Variants in ANKRD39 observed in about 807,000 individuals in gnomAD.
The protein encoded by ANKRD39 is ankyrin repeat domain 39.
ANKRD39 carries 18 observed loss-of-function variants against 20.3 expected under a neutral mutation model. The ratio of observed to expected loss-of-function variants is 0.89; its 90% CI spans 0.61 to 1.32. ANKRD39 has a LOEUF of 1.32. ANKRD39 is among the 40% of genes most tolerant of loss of function. The pLI is 0.00. For synonymous variants in ANKRD39, 106 were observed against 111.9 expected (o/e 0.95, Z 0.33); for missense variants, 243 against 250.7 (o/e 0.97, Z 0.21).
At chr2:96,856,468 C>CA (rs56306893) in intron 1 of ANKRD39, among the ~76,000 whole-genome samples, 4,731 of 70,056 alleles carry the variant, frequency 0.068, 158 homozygotes, top group Non-Finnish European at 0.086. Flanking sequence ...GACTCCATCT[C>CA]AAAAAAAAAA....
chr2:96,856,068 C>T (rs2153360079), intron 1 of ANKRD39, among the ~76,000 whole-genome samples: 1 of 152,336 alleles, frequency 6.6e-6, no homozygotes, highest in South Asian at 2.1e-4. Flanking sequence ...TTATTTGTGA[C>T]AACAGTAGCT....
At chr2:96,855,450 C>T (rs748313855) in intron 1 of ANKRD39, among the ~76,000 whole-genome samples, 4 of 152,172 alleles carry the variant, frequency 2.6e-5, no homozygotes, top group African/African-American at 7.2e-5. Flanking sequence ...ATTGGCCAGG[C>T]GCAGTGGCTC....
chr2:96,850,651 C>T (rs918279564), intron 3 of ANKRD39, among the ~76,000 whole-genome samples: 6 of 150,480 alleles, frequency 4.0e-5, no homozygotes, highest in African/African-American at 9.8e-5. Context: ...GGCAACAGAG[C>T]GAGACTCTAT....
intron 1 of ANKRD39, among the ~76,000 whole-genome samples, chr2:96,855,740 T>TA (rs2079859944): frequency 7.0e-6 from 1 of 142,406 alleles, no homozygotes; most frequent in Admixed American, 7.2e-5. Flanking sequence ...AAAAAAAAGA[T>TA]ATATTACTGT....
At chr2:96,856,950 G>A (rs1364269968) in intron 1 of ANKRD39, among the ~76,000 whole-genome samples, 1 of 152,144 alleles carries the variant, frequency 6.6e-6, no homozygotes, top group African/African-American at 2.4e-5. Flanking sequence ...AAAAGCATGA[G>A]AAATAAAATG....
At chr2:96,855,993 A>AAAC (rs932286356) in intron 1 of ANKRD39, among the ~76,000 whole-genome samples, 69 of 147,516 alleles carry the variant, frequency 4.7e-4, no homozygotes, top group East Asian at 2.1e-3. Flanking sequence ...AACAACAACA[A>AAAC]AACAACAACA....
intron 1 of ANKRD39, 128 bp downstream of exon 1, chr2:96,857,760 C>T (rs1041315088): frequency 7.8e-5 from 79 of 1,009,108 alleles, no homozygotes; most frequent in Middle Eastern, 2.5e-4. Context: ...CGCCCGCCTT[C>T]CCGCACCAGG....
chr2:96,857,972 G>GAT lies in ANKRD39; in HGVS notation c.15_16insAT (p.Pro6IlefsTer36). 6.5e-7 allele frequency: 1 copy of GAT among 1,545,032 alleles called. No individual in the cohort carries two copies. The highest frequency in any genetic ancestry group is 2.4e-5 in the East Asian group (1 of 40,988). ...GAGCAGCAGGGCCCGTCCGCGCAGG[G>GAT]CCGAGGCGTCGCCATCCCGGCCCCG... On this transcript the variant is annotated frameshift_variant, in exon 1 of 4. Coordinates refer to ENST00000393537, the MANE Select transcript of ANKRD39 (RefSeq NM_016466.6). LOFTEE classifies it high-confidence loss of function.
At chr2:96,849,542 C>T (rs1202689547) in intron 3 of ANKRD39, among the ~76,000 whole-genome samples, 3 of 151,996 alleles carry the variant, frequency 2.0e-5, no homozygotes, top group East Asian at 1.9e-4. Context: ...CCCCGCTACT[C>T]GGGAGGCTGA....
chr2:96,848,394 G>A lies in ANKRD39; in HGVS notation c.459C>T (p.Ser153=), dbSNP rs764278885. 8 of 1,614,106 alleles carry A rather than the reference G, an allele frequency of 5.0e-6. No individual in the cohort carries two copies. In the Admixed American group the frequency reaches 1.3e-4, roughly 27 times the overall value. ...GDICSLLLQH[S]PALKAIRDRK... is the part of the protein sequence containing the mutation. ...GGTCCCGGATGGCCTTCAGGGCTGG[G>A]CTGTGTTGCAGGAGGAGGGAGCAGA... The change falls in exon 4 of 4, where the codon AGC becomes AGT. Residue 153 remains serine (S), a synonymous_variant. Coordinates refer to ENST00000393537, the MANE Select transcript of ANKRD39 (RefSeq NM_016466.6).
At chr2:96,852,825 A>G (rs2079844921) in intron 3 of ANKRD39, among the ~76,000 whole-genome samples, 1 of 152,126 alleles carries the variant, frequency 6.6e-6, no homozygotes, top group South Asian at 2.1e-4. Flanking sequence ...CTCAGCACTT[A>G]GGGAGGCAGA....
At position 96,854,406 on chromosome 2, in the gene ANKRD39, G is replaced by C. The variant is rs933774377; in HGVS notation, c.136C>G (p.Arg46Gly). 3.7e-6 allele frequency: 6 copies of C among 1,614,152 alleles called. No homozygotes were observed. In the Admixed American group the frequency reaches 5.0e-5, roughly 13 times the overall value. ...WSAALNGDLG[R>G]VKHLIQKAED... is the part of the protein sequence containing the mutation. ...GCCTTCTGGATTAAATGCTTCACTCGGCCCAGGTCTCCATTCAGGGCTGCC... is the reference window on the plus strand; with the variant it reads ...GCCTTCTGGATTAAATGCTTCACTCCGCCCAGGTCTCCATTCAGGGCTGCC... The change falls in exon 2 of 4, where the codon CGA (arginine) becomes GGA (glycine). Residue 46 changes from arginine to glycine, a missense_variant. By Grantham distance (125) the Arg-to-Gly change is moderately radical (BLOSUM62 -2). Transcript: ENST00000393537.
chr2:96,848,240 G>T lies in ANKRD39; in HGVS notation c.*61C>A. 1 of 1,593,776 alleles carries T rather than the reference G, an allele frequency of 6.3e-7. No homozygotes were observed. The highest frequency in any genetic ancestry group is 1.7e-5 in the Admixed American group (1 of 59,626). On this transcript the variant is annotated 3_prime_UTR_variant, in exon 4 of 4. Transcript: ENST00000393537. Reference sequence around the variant, plus strand: ...CCCAGCAGCATGGATGCTGACCAAGGCAGGGGCTTGGAGAACTGGTCTGTG... The same window carrying T: ...CCCAGCAGCATGGATGCTGACCAAGTCAGGGGCTTGGAGAACTGGTCTGTG...
At chr2:96,849,495 C>T (rs767342285) in intron 3 of ANKRD39, among the ~76,000 whole-genome samples, 6 of 150,918 alleles carry the variant, frequency 4.0e-5, no homozygotes, top group Non-Finnish European at 8.9e-5. Context: ...ACTAAAAATA[C>T]AAAAATTAGC....
intron 1 of ANKRD39, among the ~76,000 whole-genome samples, chr2:96,856,338 G>A (rs1046133767): frequency 6.6e-6 from 1 of 151,918 alleles, no homozygotes; most frequent in African/African-American, 2.4e-5. Context: ...GCCGGGCGTC[G>A]TGGCACACGC....
At chr2:96,856,634 C>G (rs995125300) in intron 1 of ANKRD39, among the ~76,000 whole-genome samples, 4 of 152,192 alleles carry the variant, frequency 2.6e-5, no homozygotes, top group Admixed American at 2.6e-4. Flanking sequence ...CATCTCTCAT[C>G]TCTACCTACT....
intron 3 of ANKRD39, 140 bp from the exon 4 acceptor site, chr2:96,848,584 TGGGAGGCCAA>T: frequency 1.8e-6 from 2 of 1,123,370 alleles, no homozygotes; most frequent in Non-Finnish European, 1.2e-6. Flanking sequence ...CTCAGCACTT[TGGGAGGCCAA>T]GGCAGGCGGA....
intron 3 of ANKRD39, among the ~76,000 whole-genome samples, chr2:96,852,928 A>G (rs1467479624): frequency 6.6e-6 from 1 of 152,158 alleles, no homozygotes; most frequent in East Asian, 1.9e-4. Flanking sequence ...GCAATCGGTA[A>G]AGTGAACACC....
intron 3 of ANKRD39, among the ~76,000 whole-genome samples, chr2:96,849,150 A>T (rs767058594): frequency 1.1e-4 from 16 of 151,894 alleles, no homozygotes; most frequent in African/African-American, 3.6e-4. Flanking sequence ...TATATTTTTA[A>T]ATTTTTATCA....
Sources: allele counts gnomAD v4.1 joint callset (sites outside exome capture counted in the v4.1 genomes callset), GRCh38; gene constraint gnomAD v4.1.1; transcripts MANE v1.5; gene names NCBI Gene and HGNC (gene_info 2026-07-23, HGNC 2026-07-21).